The following FRAS1 variants were observed in gnomAD, a reference collection of about 807,000 sequenced individuals.
The protein encoded by FRAS1 is Fraser extracellular matrix complex subunit 1.
Under a neutral mutation model 435.2 loss-of-function variants are expected in FRAS1, and 290 were observed. That is an observed-to-expected ratio of 0.67 (90% CI 0.61 to 0.73). The LOEUF (loss-of-function observed/expected upper bound fraction) is 0.73. Among genes scored for constraint, FRAS1 ranks in the 30% least tolerant of loss-of-function variants. The pLI is 0.00. For missense variants in FRAS1, 4,860 were observed against 5,001.5 expected (o/e 0.97, Z 0.85); for synonymous variants, 1,800 against 1,851.0 (o/e 0.97, Z 0.71).
intron 6 of FRAS1, among the ~76,000 whole-genome samples, chr4:78,263,249 G>A (rs1157383697): frequency 6.6e-6 from 1 of 152,152 alleles, no homozygotes; most frequent in Non-Finnish European, 1.5e-5. Context: ...GCTCTCAATC[G>A]TGTAGTTCTC....
At chr4:78,511,665 T>C (rs1422657413) in intron 64 of FRAS1, 159 bp downstream of exon 64, 2 of 690,950 alleles carry the variant, frequency 2.9e-6, no homozygotes, top group Non-Finnish European at 5.2e-6. Context: ...TCCCTCAAGC[T>C]CGGGCCCCCT....
chr4:78,460,632 C>A (rs774760005), intron 47 of FRAS1, among the ~76,000 whole-genome samples: 4 of 152,188 alleles, frequency 2.6e-5, no homozygotes, highest in Non-Finnish European at 4.4e-5. Flanking sequence ...AGTGTGCTTA[C>A]ACAAACCTAG....
intron 2 of FRAS1, among the ~76,000 whole-genome samples, chr4:78,234,840 ATGT>A (rs1724681284): frequency 6.6e-6 from 1 of 151,158 alleles, no homozygotes; most frequent in Non-Finnish European, 1.5e-5. Context: ...TTGCTTGGAA[ATGT>A]TGTGTATATA....
rs1251444231 is a variant in FRAS1 at position 78,513,383 on chromosome 4, TC to T, written c.10014-4del. 6.2e-7 allele frequency: 1 copy of T among 1,613,092 alleles called. No homozygotes were observed. Among genetic ancestry groups the T allele is most frequent in the Non-Finnish European group, 8.5e-7 (1 of 1,179,414 alleles). ...AGCTAAACATTTATTTCTGCCTTTT[TC>T]CCCCTAGAATCCACATTTCGGTGCA... On this transcript the variant is annotated splice_region_variant and splice_polypyrimidine_tract_variant and intron_variant, in intron 64 of 73. Coordinates refer to ENST00000512123, the MANE Select transcript of FRAS1 (RefSeq NM_025074.7).
rs374802955 is a variant in FRAS1 at position 78,473,461 on chromosome 4, C to T, written c.7546C>T (p.Arg2516Cys). 36 of 1,611,938 alleles carry T rather than the reference C, an allele frequency of 2.2e-5. No homozygotes were observed. Among genetic ancestry groups the T allele is most frequent in the Non-Finnish European group, 2.9e-5 (34 of 1,178,922 alleles). ...TQEDVNLGLI[R>C]YVLHKEKIRE... is the part of the protein sequence containing the mutation. Reference sequence around the variant, plus strand: ...AGAGGATGTGAACTTGGGGTTGATTCGTTATGTGTTGCACAAGGAGAAGAT... The same window carrying T: ...AGAGGATGTGAACTTGGGGTTGATTTGTTATGTGTTGCACAAGGAGAAGAT... Residue 2516 changes from arginine (R) to cysteine (C), a missense_variant, in exon 53 of 74, where the codon CGT becomes TGT. Physicochemically the swap from Arg to Cys is radical, Grantham distance 180 (BLOSUM62 -3). Coordinates refer to ENST00000512123, the MANE Select transcript of FRAS1 (RefSeq NM_025074.7).
chr4:78,165,809 C>CTAG (rs1377874658), intron 2 of FRAS1, among the ~76,000 whole-genome samples: 3 of 152,090 alleles, frequency 2.0e-5, no homozygotes, highest in Non-Finnish European at 1.5e-5. Flanking sequence ...TTTTATTATC[C>CTAG]AGCAGGCTAG....
chr4:78,463,891 G>A, intron 47 of FRAS1, 130 bp from the exon 48 acceptor site: 6 of 993,738 alleles, frequency 6.0e-6, no homozygotes, highest in South Asian at 3.0e-5. Context: ...TCCTCAAGTG[G>A]AGGAAATAAA....
At chr4:78,425,760 G>A (rs1460018564) in intron 35 of FRAS1, among the ~76,000 whole-genome samples, 4 of 152,054 alleles carry the variant, frequency 2.6e-5, no homozygotes, top group Admixed American at 6.6e-5. Context: ...AATAAAAATT[G>A]TACTATTTAA....
At chr4:78,237,379 T>C in intron 2 of FRAS1, 131 bp from the exon 3 acceptor site, 1 of 607,218 alleles carries the variant, frequency 1.6e-6, no homozygotes. Context: ...CAGCAAGTAC[T>C]GTGTGTGGTG....
chr4:78,515,163 G>A (rs1270534378), intron 65 of FRAS1, among the ~76,000 whole-genome samples: 2 of 151,788 alleles, frequency 1.3e-5, no homozygotes, highest in East Asian at 3.9e-4. Flanking sequence ...AGCCATTCAT[G>A]TGCTTGGCAG....
intron 9 of FRAS1, among the ~76,000 whole-genome samples, chr4:78,274,250 C>G (rs1264857715): frequency 6.6e-6 from 1 of 152,072 alleles, no homozygotes; most frequent in African/African-American, 2.4e-5. Flanking sequence ...TTTTGTTGAT[C>G]TTTTCAAAAA....
At chr4:78,136,659 A>G (rs1719933657) in intron 2 of FRAS1, among the ~76,000 whole-genome samples, 1 of 152,182 alleles carries the variant, frequency 6.6e-6, no homozygotes, top group Non-Finnish European at 1.5e-5. Flanking sequence ...CGAAGGCCAC[A>G]CAGTTAATGA....
At position 78,092,038 on chromosome 4, in the gene FRAS1, C is replaced by T. The variant is rs187504114; in HGVS notation, c.108+26022C>T. On this transcript the variant is annotated intron_variant, in intron 2 of 73. Coordinates refer to ENST00000512123, the MANE Select transcript of FRAS1 (RefSeq NM_025074.7). ...CTTGAAGTGAATTTTGAGATCTTGA[C>T]GTGTGGGTGGCTTGGAGGTAAGACC... is the stretch of plus-strand genomic sequence containing the variant. Among the ~76,000 whole-genome samples the T allele has an allele frequency of 6.4e-4, 94 of 146,630 alleles. 3 individuals carry two copies. The highest frequency in any genetic ancestry group is 6.6e-4 in the South Asian group (3 of 4,560).
Position 78,284,507 on chromosome 4 carries a change from G to T in FRAS1, c.1358G>T (p.Ser453Ile). The change falls in exon 13 of 74, where the codon AGC becomes ATC. Residue 453 changes from serine to isoleucine, a missense_variant. Physicochemically the swap from Ser to Ile is moderately radical, Grantham distance 142. Coordinates refer to ENST00000512123, the MANE Select transcript of FRAS1 (RefSeq NM_025074.7). ...CTGCAGAATGGATGGTGTGTGCACAGCTGTGGACTGGGTTTTTACCAAGCT... is the reference window on the plus strand; with the variant it reads ...CTGCAGAATGGATGGTGTGTGCACATCTGTGGACTGGGTTTTTACCAAGCT... Reference protein sequence around the residue: ...KLLQNGWCVHSCGLGFYQAGS... With the variant: ...KLLQNGWCVHICGLGFYQAGS... 6.2e-7 allele frequency: 1 copy of T among 1,612,996 alleles called. No homozygotes were observed. The highest frequency in any genetic ancestry group is 8.5e-7 in the Non-Finnish European group (1 of 1,179,450).
At chr4:78,331,546 A>G (rs554842692) in intron 18 of FRAS1, among the ~76,000 whole-genome samples, 1 of 152,196 alleles carries the variant, frequency 6.6e-6, no homozygotes, top group East Asian at 1.9e-4. Flanking sequence ...CTCCATATAT[A>G]TATTAAAGAT....
At chr4:78,438,881 A>G (rs956631896) in intron 39 of FRAS1, 21 bp from the exon 40 acceptor site, 4 of 1,587,328 alleles carry the variant, frequency 2.5e-6, no homozygotes, top group African/African-American at 1.4e-5. Context: ...TATTCATTTG[A>G]TTCTTTTTGT....
At chr4:78,151,877 C>CA (rs1461690198) in intron 2 of FRAS1, among the ~76,000 whole-genome samples, 11 of 152,148 alleles carry the variant, frequency 7.2e-5, no homozygotes, top group Non-Finnish European at 1.3e-4. Flanking sequence ...CTATTATAAC[C>CA]AGCAGAGTGC....
At chr4:78,447,475 G>C (rs918601264) in intron 43 of FRAS1, among the ~76,000 whole-genome samples, 1 of 151,726 alleles carries the variant, frequency 6.6e-6, no homozygotes, top group Admixed American at 6.6e-5. Flanking sequence ...TGTTGCAGTA[G>C]ATGAAGGGTT....
intron 13 of FRAS1, 60 bp downstream of exon 13, chr4:78,284,608 G>A: frequency 2.0e-6 from 3 of 1,477,094 alleles, no homozygotes; most frequent in South Asian, 1.4e-5. Flanking sequence ...CTCATCAAAG[G>A]TTGTGATTCT....
Sources: gnomAD v4.1 joint callset for allele counts (sites outside exome capture counted in the v4.1 genomes callset) on GRCh38, gnomAD v4.1.1 for gene constraint, MANE v1.5 for transcripts, NCBI Gene and HGNC (gene_info 2026-07-23, HGNC 2026-07-21) for gene names.